Variants in GLP2R observed in about 807,000 individuals in gnomAD.
The protein encoded by GLP2R is glucagon like peptide 2 receptor.
GLP2R carries 59 observed loss-of-function variants against 68.2 expected under a neutral mutation model. The observed-to-expected ratio is 0.87, with a 90% confidence interval of 0.70 to 1.07. The LOEUF (loss-of-function observed/expected upper bound fraction) is 1.07. GLP2R is among the 50% of genes least tolerant of loss of function. GLP2R has a pLI of 0.00. For synonymous variants in GLP2R, 270 were observed against 265.4 expected (o/e 1.02, Z -0.17); for missense variants, 548 against 677.4 (o/e 0.81, Z 2.12).
chr17:9,843,228 C>T (rs112951353), intron 4 of GLP2R, among the ~76,000 whole-genome samples: 6 of 152,186 alleles, frequency 3.9e-5, no homozygotes, highest in African/African-American at 1.2e-4. Context: ...TGTTAATAAG[C>T]CCCCAAAAGG....
intron 11 of GLP2R, among the ~76,000 whole-genome samples, chr17:9,883,279 G>A (rs1309983903): frequency 6.6e-6 from 1 of 152,086 alleles, no homozygotes; most frequent in Non-Finnish European, 1.5e-5. Flanking sequence ...CTGTGAGCTT[G>A]AAGATAGGTC....
intron 10 of GLP2R, among the ~76,000 whole-genome samples, chr17:9,873,555 A>ATTTTTT (rs1359984269): frequency 1.0e-4 from 3 of 30,016 alleles, no homozygotes; most frequent in East Asian, 7.8e-4. Flanking sequence ...CTATGCATGG[A>ATTTTTT]CTTTTTTTTT....
chr17:9,838,714 C>T (rs1056980360), intron 3 of GLP2R, among the ~76,000 whole-genome samples: 1 of 152,220 alleles, frequency 6.6e-6, no homozygotes, highest in African/African-American at 2.4e-5. Context: ...TTCCACCCGC[C>T]ATTCTGTGCA....
chr17:9,877,686 G>A (rs1471998388), intron 10 of GLP2R, among the ~76,000 whole-genome samples: 1 of 151,964 alleles, frequency 6.6e-6, no homozygotes, highest in Non-Finnish European at 1.5e-5. Context: ...TCAGGAGATC[G>A]AGACCACGGT....
At chr17:9,858,330 G>C (rs2066953178) in intron 6 of GLP2R, among the ~76,000 whole-genome samples, 1 of 152,178 alleles carries the variant, frequency 6.6e-6, no homozygotes, top group Non-Finnish European at 1.5e-5. Context: ...TGCATTCCTG[G>C]AATAAATCCA....
chr17:9,868,166 C>G (rs2067058072), intron 9 of GLP2R, among the ~76,000 whole-genome samples: 1 of 152,186 alleles, frequency 6.6e-6, no homozygotes, highest in Admixed American at 6.5e-5. Flanking sequence ...TCCTCCTCTC[C>G]CAGTGATTCC....
chr17:9,840,584 A>G (rs2066777196), intron 3 of GLP2R, among the ~76,000 whole-genome samples: 1 of 152,268 alleles, frequency 6.6e-6, no homozygotes, highest in Non-Finnish European at 1.5e-5. Flanking sequence ...CAGGAGAGAC[A>G]GACAATTATC....
At chr17:9,842,742 G>A in intron 4 of GLP2R, 126 bp downstream of exon 4, 1 of 1,009,096 alleles carries the variant, frequency 9.9e-7, no homozygotes, top group Non-Finnish European at 1.4e-6. Flanking sequence ...CCCCGGGGAA[G>A]CTAAGGAAGG....
chr17:9,827,927 C>T (rs2066646904), intron 1 of GLP2R, among the ~76,000 whole-genome samples: 2 of 148,304 alleles, frequency 1.3e-5, no homozygotes, highest in Non-Finnish European at 3.0e-5. Flanking sequence ...CGCCATTGCA[C>T]TCCAGTCTGG....
At chr17:9,862,130 G>A in intron 9 of GLP2R, 40 bp downstream of exon 9, 2 of 1,461,008 alleles carry the variant, frequency 1.4e-6, no homozygotes, top group Non-Finnish European at 1.9e-6. Flanking sequence ...TCGGAGCCTA[G>A]CAGCTGTGGG....
At chr17:9,858,314 T>G (rs2066953043) in intron 6 of GLP2R, among the ~76,000 whole-genome samples, 2 of 152,254 alleles carry the variant, frequency 1.3e-5, no homozygotes, top group South Asian at 4.1e-4. Context: ...CCTATTAAAC[T>G]AACCTTGCAT....
At chr17:9,872,323 T>C (rs2067102367) in intron 10 of GLP2R, among the ~76,000 whole-genome samples, 1 of 152,120 alleles carries the variant, frequency 6.6e-6, no homozygotes, top group South Asian at 2.1e-4. Context: ...ACGCCTGTAA[T>C]CCCAGTACTT....
intron 4 of GLP2R, among the ~76,000 whole-genome samples, chr17:9,850,258 T>C (rs2066879502): frequency 6.6e-6 from 1 of 152,182 alleles, no homozygotes; most frequent in African/African-American, 2.4e-5. Flanking sequence ...CAGGTTTTGT[T>C]AGAGACCTTA....
At chr17:9,852,492 G>A (rs1861524901) in intron 4 of GLP2R, among the ~76,000 whole-genome samples, 1 of 151,956 alleles carries the variant, frequency 6.6e-6, no homozygotes, top group Admixed American at 6.6e-5. Flanking sequence ...TAGAAAATTG[G>A]AAAAATATCA....
rs796255415 is a variant in GLP2R at position 9,842,042 on chromosome 17, G to A, written c.383-453G>A. On this transcript the variant is annotated intron_variant, in intron 3 of 12. Coordinates refer to ENST00000262441, the MANE Select transcript of GLP2R (RefSeq NM_004246.3). The stretch of plus-strand genomic sequence containing the variant: ...GATGAAAACAGAGGAAGGCTTAGAG[G>A]TTAGGAGAGCTAGGCCCAGGACACA... Among the ~76,000 whole-genome samples the A allele has an allele frequency of 4.5e-4, 68 of 152,270 alleles. 1 individual carries two copies. The highest frequency in any genetic ancestry group is 1.6e-3 in the African/African-American group (66 of 41,554).
intron 10 of GLP2R, among the ~76,000 whole-genome samples, chr17:9,871,741 T>A (rs1293309039): frequency 1.1e-4 from 14 of 128,348 alleles, no homozygotes; most frequent in Non-Finnish European, 1.9e-4. Flanking sequence ...TTTTTTTTTT[T>A]TTGACAGAGT....
intron 9 of GLP2R, chr17:9,866,379 A>G (rs1054207211): frequency 6.0e-6 from 1 of 165,876 alleles, no homozygotes; most frequent in African/African-American, 2.4e-5. Flanking sequence ...GAATGTTGCT[A>G]CTGGCATCTA....
rs187643407 is a variant in GLP2R at position 9,881,293 on chromosome 17, G to A, written c.1284+777G>A. 3.2e-3 allele frequency among the ~76,000 whole-genome samples: 484 copies of A among 150,452 alleles called. 5 individuals are homozygous for A. The highest frequency in any genetic ancestry group is 0.011 in the African/African-American group (465 of 40,476). On this transcript the variant is annotated intron_variant, in intron 11 of 12. Transcript: ENST00000262441. Reference sequence around the variant, plus strand: ...TCAGTGTCCATGACATTCCTTAGGCGTTCCATGTGTTTTCTCCTTGTGGTC... The same window carrying A: ...TCAGTGTCCATGACATTCCTTAGGCATTCCATGTGTTTTCTCCTTGTGGTC...
chr17:9,850,294 C>T (rs997759741), intron 4 of GLP2R, among the ~76,000 whole-genome samples: 1 of 152,176 alleles, frequency 6.6e-6, no homozygotes, highest in Non-Finnish European at 1.5e-5. Flanking sequence ...GAACAAAATC[C>T]TGTAAAAAAG....
Sources: allele counts gnomAD v4.1 joint callset (sites outside exome capture counted in the v4.1 genomes callset), GRCh38; gene constraint gnomAD v4.1.1; transcripts MANE v1.5; gene names NCBI Gene and HGNC (gene_info 2026-07-23, HGNC 2026-07-21).